The following CNTN4 variants were observed in gnomAD, a reference collection of about 807,000 sequenced individuals.
CNTN4 encodes the protein contactin-4.
Under a neutral mutation model 122.5 loss-of-function variants are expected in CNTN4, and 77 were observed. The ratio of observed to expected loss-of-function variants is 0.63; its 90% CI spans 0.52 to 0.76. The LOEUF is 0.76. Among genes scored for constraint, CNTN4 ranks in the 30% least tolerant of loss-of-function variants. CNTN4 has a pLI of 0.00. For synonymous variants in CNTN4, 512 were observed against 447.0 expected, an observed-to-expected ratio of 1.15 and a Z score of -1.83; for missense variants, 1,256 against 1,259.1, an observed-to-expected ratio of 1.00 and a Z score of 0.04.
intron 14 of CNTN4, among the ~76,000 whole-genome samples, chr3:3,014,879 GT>G (rs5846238): frequency 0.53 from 63,970 of 121,320 alleles, 13,466 homozygotes; most frequent in South Asian, 0.66. Flanking sequence ...CCCTCGATTG[GT>G]TTTTTTTTTT....
intron 3 of CNTN4, among the ~76,000 whole-genome samples, chr3:2,459,898 C>T (rs544872848): frequency 1.8e-4 from 27 of 152,196 alleles, no homozygotes; most frequent in African/African-American, 6.5e-4. Context: ...AGTCTTCTTC[C>T]CTTGTATTTA....
chr3:2,304,535 T>C (rs184096330), intron 2 of CNTN4, among the ~76,000 whole-genome samples: 1 of 152,222 alleles, frequency 6.6e-6, no homozygotes, highest in African/African-American at 2.4e-5. Context: ...ATATCACTTA[T>C]GAGGAAGACA....
At chr3:2,463,841 T>C (rs1005560632) in intron 3 of CNTN4, among the ~76,000 whole-genome samples, 1 of 152,198 alleles carries the variant, frequency 6.6e-6, no homozygotes, top group African/African-American at 2.4e-5. Flanking sequence ...TGCTTCTTTG[T>C]GTCTGGTACT....
At chr3:3,003,313 A>C (rs1295389592) in intron 14 of CNTN4, among the ~76,000 whole-genome samples, 1 of 152,226 alleles carries the variant, frequency 6.6e-6, no homozygotes, top group African/African-American at 2.4e-5. Flanking sequence ...AGCATTATTC[A>C]TAATAGCCAC....
intron 7 of CNTN4, among the ~76,000 whole-genome samples, chr3:2,843,585 G>A (rs1258329437): frequency 2.6e-5 from 4 of 152,150 alleles, no homozygotes; most frequent in Non-Finnish European, 5.9e-5. Flanking sequence ...GATCCTTCAC[G>A]GCTCAGTGCC....
intron 13 of CNTN4, among the ~76,000 whole-genome samples, chr3:2,956,821 C>A (rs1177314829): frequency 1.3e-5 from 2 of 152,158 alleles, no homozygotes; most frequent in Non-Finnish European, 2.9e-5. Context: ...CCCCTAGCAA[C>A]CATGGCTCTA....
intron 3 of CNTN4, among the ~76,000 whole-genome samples, chr3:2,408,817 C>T (rs929130512): frequency 1.3e-5 from 2 of 152,080 alleles, no homozygotes; most frequent in Admixed American, 6.6e-5. Context: ...GAAGGGATTC[C>T]AGATGCTATT....
Position 2,729,051 on chromosome 3 carries a change from T to C in CNTN4, c.56-7164T>C, listed in dbSNP as rs150014393. On this transcript the variant is annotated intron_variant, in intron 4 of 24. Transcript: ENST00000418658. ...TAGACTTGAACCTGGAATTTGTAGT[T>C]TTCTAAGATGAAATCATAATATTGC... 4.9e-3 allele frequency among the ~76,000 whole-genome samples: 739 copies of C among 152,310 alleles called. 5 individuals carry two copies. The highest frequency in any genetic ancestry group is 0.017 in the African/African-American group (707 of 41,568).
intron 4 of CNTN4, among the ~76,000 whole-genome samples, chr3:2,670,883 T>A (rs1006070472): frequency 1.3e-5 from 2 of 152,186 alleles, no homozygotes; most frequent in Admixed American, 6.5e-5. Context: ...GAAATTCTGG[T>A]TTGAAAATTC....
At chr3:2,743,253 G>C (rs1260760498) in intron 5 of CNTN4, among the ~76,000 whole-genome samples, 1 of 151,944 alleles carries the variant, frequency 6.6e-6, no homozygotes, top group African/African-American at 2.4e-5. Flanking sequence ...TGGTCAAGAC[G>C]TGATCAGCTG....
intron 4 of CNTN4, among the ~76,000 whole-genome samples, chr3:2,710,234 C>T (rs1330763513): frequency 6.6e-6 from 1 of 152,146 alleles, no homozygotes; most frequent in Admixed American, 6.6e-5. Flanking sequence ...TCAGAAAACT[C>T]CAGATAATTT....
At chr3:2,749,996 C>G (rs893902845) in intron 6 of CNTN4, among the ~76,000 whole-genome samples, 1 of 152,132 alleles carries the variant, frequency 6.6e-6, no homozygotes. Flanking sequence ...ACTTACTGCA[C>G]TATACCATGC....
chr3:2,838,827 T>A (rs1198288571), intron 7 of CNTN4, among the ~76,000 whole-genome samples: 1 of 152,200 alleles, frequency 6.6e-6, no homozygotes, highest in African/African-American at 2.4e-5. Context: ...CCATTAATAA[T>A]GGACTGTCCC....
chr3:2,189,836 G>A (rs1219542480), intron 2 of CNTN4, among the ~76,000 whole-genome samples: 5 of 152,046 alleles, frequency 3.3e-5, no homozygotes, highest in East Asian at 1.9e-4. Flanking sequence ...TTACTCTCTC[G>A]TCAGTAGCCT....
intron 19 of CNTN4, 88 bp from the exon 20 acceptor site, chr3:3,039,949 A>G (rs967151361): frequency 2.3e-6 from 2 of 885,092 alleles, no homozygotes; most frequent in African/African-American, 3.3e-5. Context: ...AAGGATGTAG[A>G]CAAGAATGTT....
chr3:2,319,248 T>C (rs1388774747), intron 2 of CNTN4, among the ~76,000 whole-genome samples: 1 of 152,094 alleles, frequency 6.6e-6, no homozygotes, highest in East Asian at 1.9e-4. Context: ...ATAAGATAAA[T>C]ATTACAGTTA....
chr3:2,781,874 GCA>G (rs2091596225), intron 6 of CNTN4, among the ~76,000 whole-genome samples: 3 of 50,036 alleles, frequency 6.0e-5, no homozygotes, highest in Non-Finnish European at 8.5e-5. Context: ...GCAGGCGCCC[GCA>G]CCACGCCCGG....
chr3:2,419,330 G>A (rs749743868), intron 3 of CNTN4, among the ~76,000 whole-genome samples: 1 of 152,034 alleles, frequency 6.6e-6, no homozygotes, highest in South Asian at 2.1e-4. Context: ...TAGTTTTTAG[G>A]AATAGAGTTA....
intron 3 of CNTN4, among the ~76,000 whole-genome samples, chr3:2,460,160 A>C (rs571111237): frequency 6.6e-6 from 1 of 152,160 alleles, no homozygotes; most frequent in South Asian, 2.1e-4. Context: ...ACAATAGAAG[A>C]ACCTGGATTT....
Sources: allele counts gnomAD v4.1 joint callset (sites outside exome capture counted in the v4.1 genomes callset), GRCh38; gene constraint gnomAD v4.1.1; transcripts MANE v1.5; gene names NCBI Gene and HGNC (gene_info 2026-07-23, HGNC 2026-07-21).